Variants in TNRC6C observed in about 807,000 individuals in gnomAD.
TNRC6C encodes the protein trinucleotide repeat containing adaptor 6C, also known as trinucleotide repeat-containing gene 6C protein.
TNRC6C carries 20 observed loss-of-function variants against 153.7 expected under a neutral mutation model. The ratio of observed to expected loss-of-function variants is 0.13; its 90% CI spans 0.09 to 0.19. TNRC6C has a LOEUF of 0.19. Among genes scored for constraint, TNRC6C ranks in the 10% least tolerant of loss-of-function variants. The pLI, the probability that TNRC6C is intolerant of heterozygous loss-of-function variation, is 1.00. For missense variants in TNRC6C, 1,987 were observed against 2,172.0 expected (o/e 0.91, Z 1.69); for synonymous variants, 811 against 841.4 (o/e 0.96, Z 0.63).
intron 1 of TNRC6C, among the ~76,000 whole-genome samples, chr17:77,981,765 A>G (rs1224179712): frequency 1.3e-5 from 2 of 152,206 alleles, no homozygotes; most frequent in Non-Finnish European, 2.9e-5. Context: ...GAACACCGCT[A>G]TGCCCGTTAG....
intron 16 of TNRC6C, chr17:78,097,766 A>G: frequency 1.3e-6 from 2 of 1,550,446 alleles, no homozygotes; most frequent in Non-Finnish European, 1.7e-6. Flanking sequence ...CCATCATCTC[A>G]GAATGCCACG....
chr17:78,018,709 A>C (rs1188468007), intron 1 of TNRC6C, among the ~76,000 whole-genome samples: 1 of 152,114 alleles, frequency 6.6e-6, no homozygotes, highest in Non-Finnish European at 1.5e-5. Flanking sequence ...TGTGAGCTCC[A>C]CAGGGCCAGG....
chr17:78,087,011 G>A (rs764566788), exon 13 of TNRC6C: 18 of 1,613,436 alleles, frequency 1.1e-5, no homozygotes, highest in South Asian at 5.5e-5. Context: ...GCTTCCCCTC[G>A]CACCCACAGA....
At chr17:77,974,520 T>C (rs905035663) in intron 1 of TNRC6C, among the ~76,000 whole-genome samples, 2 of 143,906 alleles carry the variant, frequency 1.4e-5, no homozygotes, top group Non-Finnish European at 3.0e-5. Context: ...AGAGATGGAG[T>C]CTTGCTGTGT....
chr17:78,006,420 G>T (rs911521380), intron 1 of TNRC6C, among the ~76,000 whole-genome samples: 6 of 151,984 alleles, frequency 3.9e-5, no homozygotes, highest in Non-Finnish European at 7.4e-5. Flanking sequence ...AAAAACAATG[G>T]TTTCTTACTA....
At chr17:77,983,654 A>G (rs1274670855) in intron 1 of TNRC6C, among the ~76,000 whole-genome samples, 1 of 152,202 alleles carries the variant, frequency 6.6e-6, no homozygotes, top group Non-Finnish European at 1.5e-5. Context: ...ATAGTGAGAG[A>G]AGAAAGTTAG....
At chr17:78,093,385 G>A (rs946543195) in intron 15 of TNRC6C, 44 of 665,720 alleles carry the variant, frequency 6.6e-5, no homozygotes, top group Middle Eastern at 8.2e-4. Context: ...CACACTATCC[G>A]GTAAAACTAT....
rs1304146968 is a variant in TNRC6C at position 78,079,855 on chromosome 17, C to T, written c.3357+314C>T. On this transcript the variant is annotated intron_variant, in intron 10 of 19. Coordinates refer to ENST00000301624, the Ensembl canonical transcript of TNRC6C. The surrounding 1 kb of genome is among the most constrained non-coding windows in gnomAD (Gnocchi z 4.3). Reference sequence around the variant, plus strand: ...TGCCCAACACACTCCCATTGATGTGCTTTTGTCCCAGTCTTTGTCGAGAAA... The same window carrying T: ...TGCCCAACACACTCCCATTGATGTGTTTTTGTCCCAGTCTTTGTCGAGAAA... Among the ~76,000 whole-genome samples the T allele has an allele frequency of 6.6e-6, 1 of 152,120 alleles. No individual in the cohort carries two copies. Among genetic ancestry groups the T allele is most frequent in the African/African-American group, 2.4e-5 (1 of 41,416 alleles).
chr17:78,025,226 C>T (rs538401166), intron 1 of TNRC6C, among the ~76,000 whole-genome samples: 24 of 152,286 alleles, frequency 1.6e-4, no homozygotes, highest in African/African-American at 4.3e-4. Context: ...CCCTGTGCTC[C>T]GCATAGTCAT....
intron 1 of TNRC6C, among the ~76,000 whole-genome samples, chr17:77,977,910 T>TTTG (rs2071023765): frequency 1.4e-5 from 2 of 147,438 alleles, no homozygotes; most frequent in Non-Finnish European, 3.0e-5. Flanking sequence ...TTTTTTTTTT[T>TTTG]TTTGAGGCAG....
At chr17:77,997,433 C>G (rs9898102) in intron 1 of TNRC6C, among the ~76,000 whole-genome samples, 2,246 of 152,162 alleles carry the variant, frequency 0.015, 65 homozygotes, top group African/African-American at 0.052. Context: ...TTTCCTCATC[C>G]TTTTCTCCAG....
chr17:77,971,746 C>T (rs1023013935), intron 1 of TNRC6C, among the ~76,000 whole-genome samples: 4 of 152,010 alleles, frequency 2.6e-5, no homozygotes, highest in Non-Finnish European at 5.9e-5. Flanking sequence ...TTTGGAGTCC[C>T]CATTGACTTC....
At chr17:78,036,887 G>T (rs1483143505) in intron 2 of TNRC6C, among the ~76,000 whole-genome samples, 2 of 151,054 alleles carry the variant, frequency 1.3e-5, no homozygotes, top group Non-Finnish European at 2.9e-5. Flanking sequence ...TCACACCACT[G>T]CACTCCAGCC....
exon 3 of TNRC6C, chr17:78,050,704 A>G (rs1567937735): frequency 6.3e-7 from 1 of 1,576,596 alleles, no homozygotes; most frequent in East Asian, 2.2e-5. Flanking sequence ...TGCTGTTAGT[A>G]CTGCTGCTGC....
chr17:78,097,947 G>C, intron 16 of TNRC6C, 86 bp downstream of exon 19: 1 of 1,120,016 alleles, frequency 8.9e-7, no homozygotes, highest in South Asian at 1.6e-5. Flanking sequence ...TTTCCTATTG[G>C]CTCTTTACTC....
intron 1 of TNRC6C, among the ~76,000 whole-genome samples, chr17:78,022,271 T>G (rs1281176536): frequency 6.6e-6 from 1 of 152,114 alleles, no homozygotes. Flanking sequence ...TAAAAATGAG[T>G]CTGTCTTAGA....
intron 1 of TNRC6C, among the ~76,000 whole-genome samples, chr17:78,023,899 C>G (rs945827010): frequency 6.6e-6 from 1 of 152,088 alleles, no homozygotes; most frequent in Non-Finnish European, 1.5e-5. Context: ...CACCTATGGT[C>G]AGAAGTTCAA....
At chr17:77,976,010 T>G (rs983568501) in intron 1 of TNRC6C, among the ~76,000 whole-genome samples, 17 of 152,230 alleles carry the variant, frequency 1.1e-4, no homozygotes, top group African/African-American at 4.1e-4. Flanking sequence ...TAGGTGACTT[T>G]GGGTTTAATT....
intron 1 of TNRC6C, among the ~76,000 whole-genome samples, chr17:77,961,946 C>T (rs1466896758): frequency 6.6e-6 from 1 of 152,162 alleles, no homozygotes; most frequent in Non-Finnish European, 1.5e-5. Context: ...AAAACCAAGC[C>T]AGAGGAGGGT....
Sources: allele counts gnomAD v4.1 joint callset (sites outside exome capture counted in the v4.1 genomes callset), GRCh38; gene constraint gnomAD v4.1.1; non-coding constraint Gnocchi (gnomAD v3.1); transcripts MANE v1.5; gene names NCBI Gene and HGNC (gene_info 2026-07-23, HGNC 2026-07-21).